FCHSD2: variants seen among roughly 807,000 people sequenced by gnomAD.
FCHSD2 encodes the protein FCH and double SH3 domains 2, also known as F-BAR and double SH3 domains protein 2.
In FCHSD2, 38 loss-of-function variants were observed where a neutral mutation model predicts 108.1. The ratio of observed to expected loss-of-function variants is 0.35; its 90% confidence interval spans 0.27 to 0.46. The LOEUF is 0.46. Ranked by LOEUF, FCHSD2 falls within the 20% of genes least tolerant of loss-of-function variation. The pLI, the probability that FCHSD2 is intolerant of heterozygous loss-of-function variation, is 1.00. For missense variants in FCHSD2, 751 were observed against 897.8 expected (o/e 0.84, Z 2.09); for synonymous variants, 279 against 314.7 (o/e 0.89, Z 1.20).
intron 13 of FCHSD2, among the ~76,000 whole-genome samples, chr11:72,851,877 C>CGT: frequency 8.1e-6 from 1 of 123,452 alleles, no homozygotes; most frequent in Non-Finnish European, 1.7e-5. Context: ...GTCAGAGTGG[C>CGT]TTTTTTTTTT....
intron 3 of FCHSD2, among the ~76,000 whole-genome samples, chr11:73,033,102 C>G (rs1056370143): frequency 3.3e-5 from 5 of 151,974 alleles, no homozygotes; most frequent in Non-Finnish European, 5.9e-5. Flanking sequence ...TCCTGGCTAA[C>G]ATGGTGAAAC....
intron 10 of FCHSD2, chr11:72,900,223 C>CCAACCA: frequency 7.4e-6 from 7 of 950,998 alleles, no homozygotes; most frequent in Admixed American, 2.0e-5. Context: ...CCACACTTCC[C>CCAACCA]ATCCCTCCCG....
At chr11:72,856,969 C>T (rs1861443834) in intron 13 of FCHSD2, among the ~76,000 whole-genome samples, 5 of 152,014 alleles carry the variant, frequency 3.3e-5, no homozygotes. Flanking sequence ...AACACAACAC[C>T]CATACATTTA....
chr11:72,884,142 A>G (rs913852074), intron 12 of FCHSD2, among the ~76,000 whole-genome samples: 6 of 152,108 alleles, frequency 3.9e-5, no homozygotes, highest in Non-Finnish European at 7.4e-5. Flanking sequence ...ATGATTCTTT[A>G]TGTGATGAAA....
intron 12 of FCHSD2, among the ~76,000 whole-genome samples, chr11:72,876,658 T>C (rs1854976688): frequency 1.3e-5 from 2 of 152,224 alleles, no homozygotes; most frequent in African/African-American, 4.8e-5. Flanking sequence ...TGCAGTGGAG[T>C]TCGATGAATG....
chr11:73,034,735 T>C (rs1240624338), intron 3 of FCHSD2, among the ~76,000 whole-genome samples: 3 of 152,202 alleles, frequency 2.0e-5, no homozygotes, highest in Middle Eastern at 3.2e-3. Context: ...GACCTGCAAA[T>C]TTTAAAGTAA....
At chr11:73,093,188 G>C (rs1403283720) in intron 2 of FCHSD2, among the ~76,000 whole-genome samples, 1 of 152,206 alleles carries the variant, frequency 6.6e-6, no homozygotes, top group Non-Finnish European at 1.5e-5. Context: ...ACACTGTACA[G>C]TTCCACAGAG....
intron 8 of FCHSD2, among the ~76,000 whole-genome samples, chr11:72,956,147 T>A (rs1310486171): frequency 6.6e-6 from 1 of 152,098 alleles, no homozygotes; most frequent in African/African-American, 2.4e-5. Flanking sequence ...TAAAAATAAA[T>A]AGTAAGAGTA....
chr11:72,900,386 G>T, intron 10 of FCHSD2: 1 of 1,196,534 alleles, frequency 8.4e-7, no homozygotes, highest in Non-Finnish European at 1.2e-6. Context: ...GAAATTTAAG[G>T]CAAACAAGGA....
intron 2 of FCHSD2, among the ~76,000 whole-genome samples, chr11:73,112,665 T>C (rs1860514203): frequency 6.6e-6 from 1 of 152,198 alleles, no homozygotes; most frequent in Admixed American, 6.5e-5. Flanking sequence ...GTTGGTGTTG[T>C]TGAGACGGTG....
chr11:72,853,613 C>T (rs558571052), intron 13 of FCHSD2, among the ~76,000 whole-genome samples: 2 of 152,218 alleles, frequency 1.3e-5, no homozygotes, highest in South Asian at 2.1e-4. Context: ...TGGGGTTTTA[C>T]CGTGTTGCCC....
chr11:72,845,674 C>T (rs1042289298), intron 14 of FCHSD2, among the ~76,000 whole-genome samples: 1 of 152,140 alleles, frequency 6.6e-6, no homozygotes, highest in African/African-American at 2.4e-5. Flanking sequence ...GGCCCCTGCA[C>T]ACTATTTCTA....
chr11:72,843,563 A>G, intron 14 of FCHSD2, 31 bp from the exon 15 acceptor site: 1 of 1,541,548 alleles, frequency 6.5e-7, no homozygotes, highest in Non-Finnish European at 9.0e-7. Flanking sequence ...GGACAAAATT[A>G]AAAAGGTTAG....
At chr11:73,035,150 T>TATG (rs1565378205) in intron 3 of FCHSD2, among the ~76,000 whole-genome samples, 216 of 143,932 alleles carry the variant, frequency 1.5e-3, no homozygotes, top group Middle Eastern at 3.5e-3. Context: ...GTTTTTATTT[T>TATG]TATGTATGTA....
At chr11:72,957,341 T>C (rs1391284028) in intron 8 of FCHSD2, among the ~76,000 whole-genome samples, 1 of 151,360 alleles carries the variant, frequency 6.6e-6, no homozygotes, top group Non-Finnish European at 1.5e-5. Flanking sequence ...GTTTCATCCA[T>C]GTCCCTATAA....
At chr11:73,040,854 A>G (rs1412055964) in intron 3 of FCHSD2, among the ~76,000 whole-genome samples, 1 of 152,118 alleles carries the variant, frequency 6.6e-6, no homozygotes, top group Non-Finnish European at 1.5e-5. Context: ...GTACCCATTA[A>G]CCAATCTTCC....
intron 2 of FCHSD2, among the ~76,000 whole-genome samples, chr11:73,126,339 T>TAAAA (rs61586562): frequency 0.061 from 1,669 of 27,270 alleles, 252 homozygotes; most frequent in Non-Finnish European, 0.08. Flanking sequence ...GATTCCATCT[T>TAAAA]AAAAAAAAAA....
intron 6 of FCHSD2, among the ~76,000 whole-genome samples, chr11:72,987,907 G>C (rs1403761913): frequency 6.6e-6 from 1 of 152,024 alleles, no homozygotes; most frequent in Non-Finnish European, 1.5e-5. Context: ...TAAAAGTACA[G>C]GAAATATTTG....
chr11:73,091,210 C>A (rs557040792), intron 2 of FCHSD2, among the ~76,000 whole-genome samples: 1 of 152,156 alleles, frequency 6.6e-6, no homozygotes, highest in Admixed American at 6.5e-5. Context: ...ATGGATAATG[C>A]TGCTATCCAC....
Sources: allele counts gnomAD v4.1 joint callset (sites outside exome capture counted in the v4.1 genomes callset), GRCh38; gene constraint gnomAD v4.1.1; transcripts MANE v1.5; gene names NCBI Gene and HGNC (gene_info 2026-07-23, HGNC 2026-07-21).